NCAPG2: variants seen among roughly 807,000 people sequenced by gnomAD.
NCAPG2 encodes condensin-2 complex subunit G2.
NCAPG2 carries 53 observed loss-of-function variants against 141.1 expected under a neutral mutation model. The ratio of observed to expected loss-of-function variants is 0.38; its 90% confidence interval spans 0.30 to 0.47. The LOEUF is 0.47. NCAPG2 is among the 20% of genes least tolerant of loss of function. The pLI is 0.99. For synonymous variants in NCAPG2, 499 were observed against 490.7 expected, an observed-to-expected ratio of 1.02 and a Z score of -0.22; for missense variants, 1,087 against 1,389.0, an observed-to-expected ratio of 0.78 and a Z score of 3.46.
chr7:158,648,879 T>C (rs113367686), intron 24 of NCAPG2, among the ~76,000 whole-genome samples: 10,508 of 22,832 alleles, frequency 0.46, 1,749 homozygotes, highest in East Asian at 0.59. Context: ...AAATGGACTA[T>C]AACCACGGCA....
chr7:158,659,231 G>A (rs1832278248), intron 16 of NCAPG2, among the ~76,000 whole-genome samples: 2 of 150,468 alleles, frequency 1.3e-5, no homozygotes, highest in Non-Finnish European at 3.0e-5. Context: ...CGGAAGGCTG[G>A]GGCAGAAGAA....
chr7:158,651,828 G>A (rs1390749604), intron 23 of NCAPG2, among the ~76,000 whole-genome samples: 1 of 152,204 alleles, frequency 6.6e-6, no homozygotes, highest in Non-Finnish European at 1.5e-5. Flanking sequence ...ACTCATGACA[G>A]AAATTAGCAT....
intron 16 of NCAPG2, among the ~76,000 whole-genome samples, chr7:158,660,489 A>AGTT (rs998333584): frequency 1.4e-5 from 2 of 140,632 alleles, no homozygotes; most frequent in African/African-American, 5.4e-5. Flanking sequence ...GTATGATCAC[A>AGTT]GTTCACTGTA....
At position 158,679,853 on chromosome 7, in the gene NCAPG2, C is replaced by A. The variant is rs1834335504; in HGVS notation, c.1146+107G>T. Reference sequence around the variant, plus strand: ...GTTTAGAAACCATGCCATGTGGGAGCAGAGCTCTGGCGGTTACAGGGGAGG... The same window carrying A: ...GTTTAGAAACCATGCCATGTGGGAGAAGAGCTCTGGCGGTTACAGGGGAGG... On this transcript the variant is annotated intron_variant, in intron 11 of 27. Coordinates refer to ENST00000356309, the MANE Select transcript of NCAPG2 (RefSeq NM_017760.7). 4 of 1,398,144 alleles carry A rather than the reference C, an allele frequency of 2.9e-6. No homozygotes were observed. The African/African-American group carries it at 5.8e-5, about 20-fold the overall frequency. The allele number at this position is 1,398,144 out of a possible 1,614,324, so 86.6% of individuals were successfully genotyped here.
intron 12 of NCAPG2, among the ~76,000 whole-genome samples, chr7:158,672,266 T>C (rs1833735724): frequency 7.1e-6 from 1 of 140,902 alleles, no homozygotes; most frequent in Non-Finnish European, 1.5e-5. Flanking sequence ...GTATATACGG[T>C]ATTCCAAACA....
intron 9 of NCAPG2, among the ~76,000 whole-genome samples, chr7:158,682,421 G>A (rs1295458092): frequency 6.6e-6 from 1 of 152,002 alleles, no homozygotes; most frequent in Non-Finnish European, 1.5e-5. Flanking sequence ...TAAATCCTCT[G>A]GAAAACTCAG....
In NCAPG2 at chr7:158,631,793, T is replaced by A. The variant is rs1829907102; in HGVS notation, c.3381-76A>T. 4 of 1,214,380 alleles carry A rather than the reference T, an allele frequency of 3.3e-6. No homozygotes were observed. In the East Asian group the frequency reaches 7.0e-5, roughly 21 times the overall value. The allele number at this position is 1,214,380 out of a possible 1,614,324, so 75.2% of individuals were successfully genotyped here. On this transcript the variant is annotated intron_variant, in intron 27 of 27. Transcript: ENST00000356309. ...ATCCAAATGTACATTTTCAAAAATA[T>A]AATCTAAAAATGGTTTGCAACCATG...
In NCAPG2 at chr7:158,662,497, C is replaced by T. The variant is rs1044955064; in HGVS notation, c.1816-130G>A. The T allele has an allele frequency of 2.3e-5, 18 of 769,756 alleles. No individual in the cohort carries two copies. In the East Asian group the frequency reaches 4.3e-4, roughly 18 times the overall value. 47.7% of individuals were successfully genotyped at this position (769,756 alleles called of 1,614,324 possible). ...CCGTCTTACTTTCACGTCTTCTACTCTCCACTTTAGAATCTTCTAGGGAGG... is the reference window on the plus strand; with the variant it reads ...CCGTCTTACTTTCACGTCTTCTACTTTCCACTTTAGAATCTTCTAGGGAGG... On this transcript the variant is annotated intron_variant, in intron 15 of 27. Transcript: ENST00000356309.
chr7:158,645,446 C>T (rs1830936991), intron 26 of NCAPG2, 73 bp downstream of exon 26: 1 of 1,349,048 alleles, frequency 7.4e-7, no homozygotes. Context: ...AGGGGCTGAT[C>T]CCCGGAATCC....
intron 1 of NCAPG2, among the ~76,000 whole-genome samples, chr7:158,704,205 C>G (rs1409395315): frequency 8.2e-5 from 11 of 134,556 alleles, no homozygotes; most frequent in African/African-American, 3.2e-4. Flanking sequence ...CTGAGGGGGT[C>G]GCTCTCTGAG....
intron 24 of NCAPG2, among the ~76,000 whole-genome samples, chr7:158,648,503 A>G (rs1831201247): frequency 6.6e-6 from 1 of 151,622 alleles, no homozygotes; most frequent in African/African-American, 2.4e-5. Flanking sequence ...GACTAAAAAA[A>G]AAAAAGAATG....
At position 158,650,819 on chromosome 7, in the gene NCAPG2, T is replaced by G. The variant is rs1434400145; in HGVS notation, c.3075+13A>C. On this transcript the variant is annotated intron_variant, in intron 24 of 27. Coordinates refer to ENST00000356309, the MANE Select transcript of NCAPG2 (RefSeq NM_017760.7). ...ATAAGAGGCACAGCAGTTTCAGGAT[T>G]AAAGCACTTCACCTTCCGTAGCTGG... The G allele has an allele frequency of 1.2e-6, 2 of 1,606,236 alleles. No homozygotes were observed. Among genetic ancestry groups the G allele is most frequent in the Non-Finnish European group, 8.5e-7 (1 of 1,177,416 alleles).
chr7:158,667,522 T>TTACCCACTACTGGGTCCCTCCGCCCG (rs1563539569), intron 13 of NCAPG2, among the ~76,000 whole-genome samples: 201 of 16,936 alleles, frequency 0.012, 2 homozygotes, highest in Admixed American at 0.023. Flanking sequence ...CCCTCCGCCC[T>TTACCCACTACTGGGTCCCTCCGCCCG]CCTTACCTAC....
At chr7:158,635,276 G>C (rs1335112204) in intron 27 of NCAPG2, among the ~76,000 whole-genome samples, 1 of 151,990 alleles carries the variant, frequency 6.6e-6, no homozygotes, top group African/African-American at 2.4e-5. Context: ...AAAAAAGACT[G>C]TTAAAATTAA....
chr7:158,692,991 AATC>A lies in NCAPG2; in HGVS notation c.268-38_268-36del, dbSNP rs761897073. 5 of 1,340,206 alleles carry A rather than the reference AATC, an allele frequency of 3.7e-6. No individual in the cohort carries two copies. The East Asian group carries it at 7.0e-5, about 19-fold the overall frequency. The allele number at this position is 1,340,206 out of a possible 1,614,324, so 83.0% of individuals were successfully genotyped here. A position where few individuals can be genotyped will look rare whatever the true frequency, so the allele number is the denominator to read the frequency against. On this transcript the variant is annotated intron_variant, in intron 3 of 27. Transcript: ENST00000356309. ...AAAAATCAAAGCATGAGTGAATTAA[AATC>A]ATCAACTTAAAATCAGTTTTTAGCA...
intron 27 of NCAPG2, among the ~76,000 whole-genome samples, chr7:158,636,912 C>G (rs1308388513): frequency 6.6e-6 from 1 of 152,100 alleles, no homozygotes; most frequent in African/African-American, 2.4e-5. Flanking sequence ...TAAAAACAAG[C>G]TCCTAAGGCC....
chr7:158,682,673 C>T (rs1467875491), intron 9 of NCAPG2, among the ~76,000 whole-genome samples: 1 of 152,178 alleles, frequency 6.6e-6, no homozygotes, highest in Non-Finnish European at 1.5e-5. Flanking sequence ...TGGGTTAGAA[C>T]ACTGATCAAC....
At chr7:158,669,309 T>C (rs985703373) in intron 13 of NCAPG2, among the ~76,000 whole-genome samples, 2 of 152,186 alleles carry the variant, frequency 1.3e-5, no homozygotes, top group African/African-American at 2.4e-5. Flanking sequence ...CTGGGTCAAA[T>C]GGTATTTCTG....
At chr7:158,698,562 A>G (rs1047315230) in intron 2 of NCAPG2, among the ~76,000 whole-genome samples, 2 of 152,230 alleles carry the variant, frequency 1.3e-5, no homozygotes, top group Non-Finnish European at 2.9e-5. Context: ...AGACTGTACC[A>G]TCTAGCCCAG....
Sources: gnomAD v4.1 joint callset for allele counts (sites outside exome capture counted in the v4.1 genomes callset) on GRCh38, gnomAD v4.1.1 for gene constraint, MANE v1.5 for transcripts, NCBI Gene and HGNC (gene_info 2026-07-23, HGNC 2026-07-21) for gene names.